B3GALT5: variants seen among roughly 807,000 people sequenced by gnomAD.
B3GALT5 encodes UDP-Gal:betaGlcNAc beta 1,3-galactosyltransferase, polypeptide 5.
For synonymous variants in B3GALT5, 156 were observed against 158.6 expected (o/e 0.98, Z 0.12); for missense variants, 328 against 396.6 (o/e 0.83, Z 1.47).
intron 1 of B3GALT5, among the ~76,000 whole-genome samples, chr21:39,616,779 T>A (rs2079109455): frequency 1.3e-5 from 2 of 152,196 alleles, no homozygotes; most frequent in South Asian, 4.1e-4. Flanking sequence ...TGATGGATAA[T>A]CATGATTGGT....
At chr21:39,635,163 T>C (rs1010820883) in intron 1 of B3GALT5, among the ~76,000 whole-genome samples, 1 of 152,028 alleles carries the variant, frequency 6.6e-6, no homozygotes, top group African/African-American at 2.4e-5. Flanking sequence ...GCGGGACCCG[T>C]GTTGATATTT....
intron 2 of B3GALT5, among the ~76,000 whole-genome samples, chr21:39,654,116 C>T (rs4818063): frequency 0.51 from 77,050 of 152,116 alleles, 19,683 homozygotes; most frequent in Middle Eastern, 0.56. Context: ...ATAGCACATA[C>T]GTTTATCTGT....
At chr21:39,655,934 C>A (rs1449345100) in intron 2 of B3GALT5, among the ~76,000 whole-genome samples, 1 of 152,306 alleles carries the variant, frequency 6.6e-6, no homozygotes, top group South Asian at 2.1e-4. Flanking sequence ...ACAACGAATC[C>A]ACTGAAATGT....
At chr21:39,613,535 T>TA in intron 1 of B3GALT5, among the ~76,000 whole-genome samples, 1 of 152,316 alleles carries the variant, frequency 6.6e-6, no homozygotes, top group East Asian at 1.9e-4. Context: ...AGCTTTTCAT[T>TA]AAGAGATGAC....
In B3GALT5 at chr21:39,659,805, A is replaced by G; in HGVS notation, c.-108A>G. On this transcript the variant is annotated 5_prime_UTR_variant, in exon 3 of 4. The change abolishes the stop of an existing upstream ORF in the 5' untranslated region. Coordinates refer to ENST00000684187, the MANE Select transcript of B3GALT5 (RefSeq NM_001356336.2). ...GTAAACAAACCAAGCCCAGAACCTG[A>G]TAATTATGGAGCATTCTACACTGAC... 3 of 984,962 alleles carry G rather than the reference A, an allele frequency of 3.0e-6. No individual in the cohort carries two copies. The highest frequency in any genetic ancestry group is 3.6e-6 in the Non-Finnish European group (3 of 829,786). 61.0% of individuals were successfully genotyped at this position (984,962 alleles called of 1,614,324 possible). A position where few individuals can be genotyped will look rare whatever the true frequency, so the allele number is the denominator to read the frequency against.
At chr21:39,649,247 C>G (rs1162309910) in intron 2 of B3GALT5, among the ~76,000 whole-genome samples, 1 of 152,178 alleles carries the variant, frequency 6.6e-6, no homozygotes, top group African/African-American at 2.4e-5. Context: ...CATGGGCCCC[C>G]TGATGTGCTT....
chr21:39,624,775 C>A (rs1179755644), intron 1 of B3GALT5, among the ~76,000 whole-genome samples: 2 of 151,584 alleles, frequency 1.3e-5, no homozygotes, highest in African/African-American at 4.8e-5. Context: ...CAAATTACCT[C>A]TTTGCTAGTT....
rs1315636901 is a variant in B3GALT5 at position 39,672,926 on chromosome 21, G to C, written c.*11434G>C. The C allele has an allele frequency of 6.6e-6, 1 of 152,168 alleles. No homozygotes were observed. Among genetic ancestry groups the C allele is most frequent in the Non-Finnish European group, 1.5e-5 (1 of 68,026 alleles). 9.4% of individuals were successfully genotyped at this position (152,168 alleles called of 1,614,324 possible). The stretch of plus-strand genomic sequence containing the variant: ...TGAGGTGTCCTGTCGGGAATGACAA[G>C]TCCAGGGCAGATTATGAGGCAGGCA... On this transcript the variant is annotated 3_prime_UTR_variant, in exon 4 of 4. Coordinates refer to ENST00000684187, the MANE Select transcript of B3GALT5 (RefSeq NM_001356336.2).
At chr21:39,639,455 T>TCTTTCTTC (rs1569212592) in intron 1 of B3GALT5, among the ~76,000 whole-genome samples, 1 of 134,842 alleles carries the variant, frequency 7.4e-6, no homozygotes, top group African/African-American at 3.0e-5. Flanking sequence ...TTTCTTTCTT[T>TCTTTCTTC]TTTTCTTTCT....
chr21:39,660,961 G>A lies in B3GALT5; in HGVS notation c.402G>A (p.Lys134=), dbSNP rs534470099. The change falls in exon 4 of 4, where the codon AAG becomes AAA. Residue 134 remains lysine, a synonymous_variant. Transcript: ENST00000684187. ...FLDVYYNLTL[K]TMMGIEWVHR... is the part of the protein sequence containing the mutation. ...ACGTCTATTACAATCTGACCCTGAA[G>A]ACCATGATGGGCATAGAATGGGTCC... 3.5e-5 allele frequency: 56 copies of A among 1,606,778 alleles called. 1 individual carries two copies. In the South Asian group the frequency reaches 5.0e-4, roughly 14 times the overall value.
chr21:39,645,657 C>T (rs575625053), intron 1 of B3GALT5, among the ~76,000 whole-genome samples: 2 of 152,082 alleles, frequency 1.3e-5, no homozygotes, highest in Non-Finnish European at 2.9e-5. Flanking sequence ...TGGACTAGCT[C>T]CTGCCAGAGT....
chr21:39,672,107 T>C lies in B3GALT5; in HGVS notation c.*10615T>C, dbSNP rs951106751. 3.3e-5 allele frequency: 5 copies of C among 152,266 alleles called. No individual in the cohort carries two copies. The highest frequency in any genetic ancestry group is 1.2e-4 in the African/African-American group (5 of 41,472). 9.4% of individuals were successfully genotyped at this position (152,266 alleles called of 1,614,324 possible). A position where few individuals can be genotyped will look rare whatever the true frequency, so the allele number is the denominator to read the frequency against. On this transcript the variant is annotated 3_prime_UTR_variant, in exon 4 of 4. Transcript: ENST00000684187. ...TCATACTGCTTTACATCATCTATTC[T>C]ACCTCCATTCACTGGTCAAAGAAGC...
rs1460826328 is a variant in B3GALT5 at position 39,670,656 on chromosome 21, T to C, written c.*9164T>C. On this transcript the variant is annotated 3_prime_UTR_variant, in exon 4 of 4. Coordinates refer to ENST00000684187, the MANE Select transcript of B3GALT5 (RefSeq NM_001356336.2). Reference sequence around the variant, plus strand: ...GAAACAGATCAACCAGCCTATTGAGTATCTACGTGTTTTTTTTACAGGCAA... The same window carrying C: ...GAAACAGATCAACCAGCCTATTGAGCATCTACGTGTTTTTTTTACAGGCAA... 6.6e-6 allele frequency: 1 copy of C among 151,960 alleles called. No homozygotes were observed. The highest frequency in any genetic ancestry group is 2.4e-5 in the African/African-American group (1 of 41,342). 9.4% of individuals were successfully genotyped at this position (151,960 alleles called of 1,614,324 possible).
In B3GALT5 at chr21:39,666,088, G is replaced by A. The variant is rs2079575586; in HGVS notation, c.*4596G>A. The A allele has an allele frequency of 6.6e-6, 1 of 152,210 alleles. No homozygotes were observed. The highest frequency in any genetic ancestry group is 2.4e-5 in the African/African-American group (1 of 41,436). 9.4% of individuals were successfully genotyped at this position (152,210 alleles called of 1,614,324 possible). The stretch of plus-strand genomic sequence containing the variant: ...ATTTTTCAAAGTAAGCCAACACTGT[G>A]GTTTCACTTGAGTCAGTAAGTAGGA... On this transcript the variant is annotated 3_prime_UTR_variant, in exon 4 of 4. Coordinates refer to ENST00000684187, the MANE Select transcript of B3GALT5 (RefSeq NM_001356336.2).
chr21:39,612,949 C>T lies in B3GALT5; in HGVS notation c.-510C>T, dbSNP rs1394206807. 6.6e-6 allele frequency: 1 copy of T among 151,872 alleles called. No homozygotes were observed. The highest frequency in any genetic ancestry group is 6.6e-5 in the Admixed American group (1 of 15,238). The allele number at this position is 151,872 out of a possible 1,614,324, so 9.4% of individuals were successfully genotyped here. A position where few individuals can be genotyped will look rare whatever the true frequency, so the allele number is the denominator to read the frequency against. On this transcript the variant is annotated 5_prime_UTR_variant, in exon 1 of 4. Transcript: ENST00000684187. ...AGCGGGGAGCAAAACCATCCTCGGC[C>T]TGGACCCAGCGCCTCCGGGGACCGG...
Position 39,663,632 on chromosome 21 carries a change from T to C in B3GALT5, c.*2140T>C, listed in dbSNP as rs1403173188. The C allele has an allele frequency of 2.0e-5, 3 of 152,184 alleles. No homozygotes were observed. The highest frequency in any genetic ancestry group is 4.4e-5 in the Non-Finnish European group (3 of 68,040). 9.4% of individuals were successfully genotyped at this position (152,184 alleles called of 1,614,324 possible). On this transcript the variant is annotated 3_prime_UTR_variant, in exon 4 of 4. Transcript: ENST00000684187. Reference sequence around the variant, plus strand: ...GGGATTACAGGTGTGTATTTCTTTATACAATGAATAATTCTTTTTCTTGAG... The same window carrying C: ...GGGATTACAGGTGTGTATTTCTTTACACAATGAATAATTCTTTTTCTTGAG...
chr21:39,639,347 T>C (rs856989), intron 1 of B3GALT5, among the ~76,000 whole-genome samples: 2,651 of 65,506 alleles, frequency 0.04, 55 homozygotes, highest in East Asian at 0.057. Flanking sequence ...TCTTTCTTTC[T>C]TTCCTTCCTT....
chr21:39,654,239 G>A (rs1303406951), intron 2 of B3GALT5, among the ~76,000 whole-genome samples: 1 of 152,194 alleles, frequency 6.6e-6, no homozygotes, highest in Non-Finnish European at 1.5e-5. Context: ...ACAGGTGTGT[G>A]CCACCACTCC....
At chr21:39,655,574 T>C (rs2079434751) in intron 2 of B3GALT5, among the ~76,000 whole-genome samples, 1 of 152,122 alleles carries the variant, frequency 6.6e-6, no homozygotes, top group Non-Finnish European at 1.5e-5. Flanking sequence ...TCTCTCTGCT[T>C]GAGGCCAGGG....
Sources: allele counts gnomAD v4.1 joint callset (sites outside exome capture counted in the v4.1 genomes callset), GRCh38; gene constraint gnomAD v4.1.1; transcripts MANE v1.5; gene names NCBI Gene and HGNC (gene_info 2026-07-23, HGNC 2026-07-21).